The following KCNB2 variants were observed in gnomAD, a reference collection of about 807,000 sequenced individuals.
The protein encoded by KCNB2 is delayed rectifier potassium channel protein.
A neutral mutation model predicts 61.5 loss-of-function variants in KCNB2; 15 were observed. The ratio of observed to expected loss-of-function variants is 0.24; its 90% confidence interval spans 0.16 to 0.38. The LOEUF (loss-of-function observed/expected upper bound fraction) is 0.38. Ranked by LOEUF, KCNB2 falls within the 10% of genes least tolerant of loss-of-function variation. KCNB2 has a pLI of 1.00. For synonymous variants in KCNB2, 457 were observed against 446.0 expected (o/e 1.02, Z -0.31); for missense variants, 828 against 1,125.2 (o/e 0.74, Z 3.78).
At chr8:72,916,313 G>A (rs985416523) in intron 2 of KCNB2, among the ~76,000 whole-genome samples, 1 of 152,182 alleles carries the variant, frequency 6.6e-6, no homozygotes, top group Non-Finnish European at 1.5e-5. Context: ...GCAGGAACTG[G>A]AGTGCACAGA....
chr8:72,763,739 T>C (rs1343164936), intron 2 of KCNB2, among the ~76,000 whole-genome samples: 1 of 152,230 alleles, frequency 6.6e-6, no homozygotes, highest in East Asian at 1.9e-4. Flanking sequence ...CCTGTACTGC[T>C]TGGCACAGTT....
intron 1 of KCNB2, among the ~76,000 whole-genome samples, chr8:72,567,137 A>G (rs1806636689): frequency 6.6e-6 from 1 of 152,216 alleles, no homozygotes; most frequent in East Asian, 1.9e-4. Flanking sequence ...CCTGGGCAAC[A>G]TGGAGAAACC....
chr8:72,864,426 A>G (rs1032832806), intron 2 of KCNB2, among the ~76,000 whole-genome samples: 2 of 152,172 alleles, frequency 1.3e-5, no homozygotes, highest in African/African-American at 4.8e-5. Flanking sequence ...ATTCTCTTTT[A>G]TCCTGGTTCT....
intron 2 of KCNB2, among the ~76,000 whole-genome samples, chr8:72,577,238 C>T (rs1365224608): frequency 6.6e-6 from 1 of 152,076 alleles, no homozygotes; most frequent in East Asian, 1.9e-4. Flanking sequence ...AAGCCAGTAG[C>T]AGCAGCCCTC....
At chr8:72,571,671 G>A (rs186037959) in intron 2 of KCNB2, among the ~76,000 whole-genome samples, 9 of 152,262 alleles carry the variant, frequency 5.9e-5, no homozygotes, top group Non-Finnish European at 1.0e-4. Flanking sequence ...AATTTACACA[G>A]TTTAAATTTG....
At chr8:72,561,343 G>A (rs1006535417) in intron 1 of KCNB2, among the ~76,000 whole-genome samples, 6 of 151,704 alleles carry the variant, frequency 4.0e-5, no homozygotes, top group African/African-American at 1.2e-4. Flanking sequence ...TTTTTGTAGA[G>A]ATGGGGTTTC....
intron 2 of KCNB2, among the ~76,000 whole-genome samples, chr8:72,759,947 G>A (rs1052790887): frequency 1.3e-5 from 2 of 152,174 alleles, no homozygotes; most frequent in Non-Finnish European, 1.5e-5. Context: ...ACTGGCAGAA[G>A]CAAGGAAACT....
intron 2 of KCNB2, among the ~76,000 whole-genome samples, chr8:72,905,512 T>C (rs2129006931): frequency 6.7e-6 from 1 of 149,930 alleles, no homozygotes; most frequent in Admixed American, 6.6e-5. Context: ...GGCAATTTTA[T>C]GAGGAAGAAA....
intron 1 of KCNB2, among the ~76,000 whole-genome samples, chr8:72,559,492 C>T (rs997617397): frequency 1.3e-5 from 2 of 152,120 alleles, no homozygotes; most frequent in African/African-American, 4.8e-5. Context: ...AGAGCATCTT[C>T]TACAAGAGAT....
intron 2 of KCNB2, among the ~76,000 whole-genome samples, chr8:72,615,994 C>T (rs1805613844): frequency 6.6e-6 from 1 of 152,158 alleles, no homozygotes; most frequent in South Asian, 2.1e-4. Context: ...CTGCCTTGTA[C>T]AGGATTATCT....
intron 2 of KCNB2, among the ~76,000 whole-genome samples, chr8:72,629,322 C>T (rs1356484258): frequency 6.6e-6 from 1 of 152,208 alleles, no homozygotes; most frequent in Non-Finnish European, 1.5e-5. Flanking sequence ...AACTCCGCTT[C>T]CATCAGTCAG....
chr8:72,613,821 T>A (rs959662519), intron 2 of KCNB2, among the ~76,000 whole-genome samples: 1 of 152,212 alleles, frequency 6.6e-6, no homozygotes, highest in Non-Finnish European at 1.5e-5. Flanking sequence ...AAATTCAGAA[T>A]GGTCCACATT....
intron 2 of KCNB2, among the ~76,000 whole-genome samples, chr8:72,708,111 C>T (rs535517654): frequency 6.6e-6 from 1 of 152,312 alleles, no homozygotes; most frequent in African/African-American, 2.4e-5. Flanking sequence ...CCCCAGCACA[C>T]CCAGTGGCTA....
intron 2 of KCNB2, among the ~76,000 whole-genome samples, chr8:72,733,615 G>A (rs766076931): frequency 8.5e-5 from 13 of 152,126 alleles, no homozygotes; most frequent in Non-Finnish European, 1.2e-4. Flanking sequence ...TGCCTGTAAA[G>A]CATTCAGAAT....
At chr8:72,557,215 C>A (rs16919279) in intron 1 of KCNB2, among the ~76,000 whole-genome samples, 1 of 152,088 alleles carries the variant, frequency 6.6e-6, no homozygotes. Flanking sequence ...CTCACCTTTC[C>A]CCTCACATGA....
intron 2 of KCNB2, among the ~76,000 whole-genome samples, chr8:72,795,034 A>G (rs1809009411): frequency 6.6e-6 from 1 of 152,226 alleles, no homozygotes; most frequent in South Asian, 2.1e-4. Flanking sequence ...ATGTTAACAG[A>G]TACATTTGGC....
At chr8:72,843,008 G>A (rs1043181981) in intron 2 of KCNB2, among the ~76,000 whole-genome samples, 2 of 152,064 alleles carry the variant, frequency 1.3e-5, no homozygotes, top group African/African-American at 4.8e-5. Flanking sequence ...TGCTTCTCTA[G>A]TTCTTTTAAT....
intron 2 of KCNB2, among the ~76,000 whole-genome samples, chr8:72,647,488 CAG>C (rs1020241939): frequency 1.2e-4 from 19 of 152,090 alleles, no homozygotes; most frequent in African/African-American, 4.6e-4. Context: ...GACACCTACT[CAG>C]AGTTATAAAT....
intron 2 of KCNB2, among the ~76,000 whole-genome samples, chr8:72,590,886 A>C (rs1339819569): frequency 6.6e-6 from 1 of 152,166 alleles, no homozygotes; most frequent in Non-Finnish European, 1.5e-5. Flanking sequence ...AAACACAGCT[A>C]AGCATAGTAT....
Sources: gnomAD v4.1 joint callset for allele counts (sites outside exome capture counted in the v4.1 genomes callset) on GRCh38, gnomAD v4.1.1 for gene constraint, MANE v1.5 for transcripts, NCBI Gene and HGNC (gene_info 2026-07-23, HGNC 2026-07-21) for gene names.